Variants in IL1RAPL1 observed in about 807,000 individuals in gnomAD.
IL1RAPL1 encodes the protein interleukin 1 receptor accessory protein like 1.
IL1RAPL1 carries 3 observed loss-of-function variants against 48.4 expected under a neutral mutation model. The observed-to-expected ratio is 0.06, with a 90% CI of 0.03 to 0.16. IL1RAPL1 has a LOEUF of 0.16. Ranked by LOEUF, IL1RAPL1 falls within the 10% of genes least tolerant of loss-of-function variation. The pLI is 1.00. For missense variants in IL1RAPL1, 349 were observed against 530.6 expected (o/e 0.66, Z 3.36); for synonymous variants, 185 against 187.7 (o/e 0.99, Z 0.12).
intron 5 of IL1RAPL1, among the ~76,000 whole-genome samples, chrX:29,477,588 A>G (rs1283167045): frequency 8.9e-6 from 1 of 112,263 alleles, no homozygotes; most frequent in African/African-American, 3.2e-5. Flanking sequence ...GTGCATCTCT[A>G]TGTCAGTCAC....
At chrX:28,891,522 T>G (rs1922770032) in intron 2 of IL1RAPL1, among the ~76,000 whole-genome samples, 1 of 112,071 alleles carries the variant, frequency 8.9e-6, no homozygotes, top group Non-Finnish European at 1.9e-5. Context: ...TCTGCCTGTT[T>G]TGGATATTTC....
intron 6 of IL1RAPL1, among the ~76,000 whole-genome samples, chrX:29,674,432 TA>T (rs1007964540): frequency 1.8e-5 from 2 of 110,483 alleles, no homozygotes; most frequent in Non-Finnish European, 3.8e-5. Flanking sequence ...TCTCCAAAAA[TA>T]AAAAAAAGTT....
intron 2 of IL1RAPL1, among the ~76,000 whole-genome samples, chrX:29,244,884 T>A (rs1931482041): frequency 9.0e-6 from 1 of 110,654 alleles, no homozygotes. Flanking sequence ...CATCCACCCG[T>A]CATCTATGTT....
At chrX:29,450,478 A>G (rs1449140027) in intron 5 of IL1RAPL1, among the ~76,000 whole-genome samples, 2 of 111,775 alleles carry the variant, frequency 1.8e-5, no homozygotes, top group African/African-American at 6.5e-5. Context: ...CTGTGTTCCA[A>G]TAAAATTTTC....
In IL1RAPL1 at chrX:29,562,048, C is replaced by CTATT. The variant is rs1419114079; in HGVS notation, c.704-106379_704-106378insTTAT. On this transcript the variant is annotated intron_variant, in intron 5 of 10. Transcript: ENST00000378993. ...TTCTTTTTCAATTCTATCTATCTAT[C>CTATT]TATCTATCTATCTATCTATCTATCT... 8.2e-3 allele frequency among the ~76,000 whole-genome samples: 853 copies of CTATT among 103,721 alleles called. 10 individuals carry two copies. The highest frequency in any genetic ancestry group is 0.029 in the African/African-American group (805 of 27,308). 90.1% of individuals were successfully genotyped at this position (103,721 alleles called of 115,157 possible). A position where few individuals can be genotyped will look rare whatever the true frequency, so the allele number is the denominator to read the frequency against.
intron 2 of IL1RAPL1, among the ~76,000 whole-genome samples, chrX:29,266,315 A>G (rs992465949): frequency 8.9e-6 from 1 of 112,220 alleles, no homozygotes; most frequent in Non-Finnish European, 1.9e-5. Flanking sequence ...GTAGTTTTAA[A>G]GATTTGTTTA....
chrX:29,830,805 A>G (rs753621697), intron 6 of IL1RAPL1, among the ~76,000 whole-genome samples: 2 of 111,405 alleles, frequency 1.8e-5, no homozygotes, highest in Admixed American at 1.9e-4. Flanking sequence ...ACCAGTGCAG[A>G]TCCCCAAGGG....
intron 6 of IL1RAPL1, among the ~76,000 whole-genome samples, chrX:29,732,211 T>C (rs1200055532): frequency 8.9e-6 from 1 of 111,888 alleles, no homozygotes; most frequent in Non-Finnish European, 1.9e-5. Context: ...GGAAAGACAG[T>C]GAGACATTAG....
chrX:28,823,799 TC>T (rs1472718743), intron 2 of IL1RAPL1, among the ~76,000 whole-genome samples: 10 of 111,605 alleles, frequency 9.0e-5, no homozygotes, highest in Non-Finnish European at 1.7e-4. Flanking sequence ...CCTTCTTGCC[TC>T]CCTGATCACA....
At chrX:28,891,966 C>T (rs994600223) in intron 2 of IL1RAPL1, among the ~76,000 whole-genome samples, 1 of 111,604 alleles carries the variant, frequency 9.0e-6, no homozygotes, top group Non-Finnish European at 1.9e-5. Context: ...TCTCTAATGA[C>T]TAATGATACA....
In IL1RAPL1 at chrX:29,509,672, C is replaced by T. The variant is rs1185555201; in HGVS notation, c.703+110364C>T. Among the ~76,000 whole-genome samples, 6 of 107,823 alleles carry T rather than the reference C, an allele frequency of 5.6e-5. No homozygotes were observed. In the East Asian group the frequency reaches 8.4e-4, roughly 15 times the overall value. The allele number at this position is 107,823 out of a possible 115,157, so 93.6% of individuals were successfully genotyped here. On this transcript the variant is annotated intron_variant, in intron 5 of 10. Coordinates refer to ENST00000378993, the MANE Select transcript of IL1RAPL1 (RefSeq NM_014271.4). ...TCTGGTGCACACACATGCACACACA[C>T]GCATGCGCCCACACGCACACACACA...
intron 2 of IL1RAPL1, among the ~76,000 whole-genome samples, chrX:29,260,616 C>T (rs374327352): frequency 9.0e-6 from 1 of 111,701 alleles, no homozygotes; most frequent in East Asian, 2.8e-4. Flanking sequence ...TGAGTGGGGA[C>T]ACAGTCAAAC....
intron 2 of IL1RAPL1, among the ~76,000 whole-genome samples, chrX:28,986,716 G>A (rs1925483849): frequency 8.9e-6 from 1 of 111,999 alleles, no homozygotes; most frequent in Admixed American, 9.5e-5. Flanking sequence ...AACACAATTT[G>A]CTCCCCTGCA....
chrX:28,779,632 G>GTA lies in IL1RAPL1; in HGVS notation c.-24-9687_-24-9686insAT, dbSNP rs1208199471. Reference sequence around the variant, plus strand: ...GTGATACTATTATGTGTGTGTGTGTGTGTATATATATATATATATATATAT... The same window carrying GTA: ...GTGATACTATTATGTGTGTGTGTGTGTATGTATATATATATATATATATATAT... On this transcript the variant is annotated intron_variant, in intron 1 of 10. Transcript: ENST00000378993. Among the ~76,000 whole-genome samples the GTA allele has an allele frequency of 1.2e-3, 64 of 54,627 alleles. 1 individual carries two copies. The highest frequency in any genetic ancestry group is 1.8e-3 in the East Asian group (2 of 1,103). The allele number at this position is 54,627 out of a possible 115,157, so 47.4% of individuals were successfully genotyped here.
At chrX:29,615,039 A>G (rs893190958) in intron 5 of IL1RAPL1, among the ~76,000 whole-genome samples, 5 of 112,009 alleles carry the variant, frequency 4.5e-5, no homozygotes, top group Admixed American at 1.9e-4. Flanking sequence ...TGGATGATAC[A>G]TAGATGTATA....
At chrX:29,510,288 G>T (rs1359005606) in intron 5 of IL1RAPL1, among the ~76,000 whole-genome samples, 1 of 111,959 alleles carries the variant, frequency 8.9e-6, no homozygotes. Flanking sequence ...CCTAGATGGA[G>T]GACATTGGCT....
chrX:29,475,775 A>G (rs979754284), intron 5 of IL1RAPL1, among the ~76,000 whole-genome samples: 2 of 110,541 alleles, frequency 1.8e-5, no homozygotes, highest in African/African-American at 6.6e-5. Flanking sequence ...TCTGTTTCTG[A>G]TGTGTTATGT....
intron 1 of IL1RAPL1, among the ~76,000 whole-genome samples, chrX:28,669,839 C>A (rs184905870): frequency 9.5e-6 from 1 of 105,083 alleles, no homozygotes; most frequent in East Asian, 3.0e-4. Context: ...AATAACAATT[C>A]GAGTTAATTT....
At chrX:29,893,629 A>C (rs1464709206) in intron 6 of IL1RAPL1, among the ~76,000 whole-genome samples, 2 of 111,966 alleles carry the variant, frequency 1.8e-5, no homozygotes, top group African/African-American at 6.5e-5. Context: ...CTAGCACAAC[A>C]GTTATTTAAA....
Sources: allele counts gnomAD v4.1 joint callset (sites outside exome capture counted in the v4.1 genomes callset), GRCh38; gene constraint gnomAD v4.1.1; transcripts MANE v1.5; gene names NCBI Gene and HGNC (gene_info 2026-07-23, HGNC 2026-07-21).